The following BBS4 variants were observed in gnomAD, a reference collection of about 807,000 sequenced individuals.
The protein encoded by BBS4 is BBSome complex member BBS4.
Under a neutral mutation model 71.4 loss-of-function variants are expected in BBS4, and 58 were observed. That is an observed-to-expected ratio of 0.81 (90% CI 0.66 to 1.01). The LOEUF (loss-of-function observed/expected upper bound fraction) is 1.01, where lower values mean the gene tolerates loss of function less well. Ranked by LOEUF, BBS4 falls within the 50% of genes least tolerant of loss-of-function variation. The pLI is 0.00. For missense variants in BBS4, 660 were observed against 607.9 expected (o/e 1.09, Z -0.90); for synonymous variants, 228 against 216.8 (o/e 1.05, Z -0.46).
In BBS4 at chr15:72,735,889, G is replaced by A. The variant is rs370963556; in HGVS notation, c.1171G>A (p.Ala391Thr). 31 of 1,613,920 alleles carry A rather than the reference G, an allele frequency of 1.9e-5. No individual in the cohort carries two copies. The highest frequency in any genetic ancestry group is 1.8e-4 in the East Asian group (8 of 44,892). Reference protein sequence around the residue: ...LLYNQGEKKNALAQYQEMEKK... With the variant: ...LLYNQGEKKNTLAQYQEMEKK... ...GTACAACCAGGGCGAGAAGAAGAACGCCCTGGCCCAATATCAGGAGATGGA... is the reference window on the plus strand; with the variant it reads ...GTACAACCAGGGCGAGAAGAAGAACACCCTGGCCCAATATCAGGAGATGGA... Residue 391 changes from alanine (A) to threonine (T), a missense_variant, in exon 14 of 16, where the codon GCC (alanine) becomes ACC (threonine). Coordinates refer to ENST00000268057, the MANE Select transcript of BBS4 (RefSeq NM_033028.5).
chr15:72,725,053 T>TAGAG (rs758482322), intron 8 of BBS4, among the ~76,000 whole-genome samples: 5,284 of 102,312 alleles, frequency 0.052, 110 homozygotes, highest in Non-Finnish European at 0.071. Flanking sequence ...TATATATATA[T>TAGAG]ATATAGAGAG....
rs750560336 is a variant in BBS4, at chr15:72,731,396, A to G, written c.803A>G (p.Glu268Gly). The G allele has an allele frequency of 1.9e-6, 3 of 1,614,160 alleles. No homozygotes were observed. Among genetic ancestry groups the G allele is most frequent in the Non-Finnish European group, 2.5e-6 (3 of 1,180,024 alleles). The change falls in exon 11 of 16, where the codon GAA (glutamate) becomes GGA (glycine). Residue 268 changes from glutamate (E) to glycine (G), a missense_variant. Glu to Gly is a moderately conservative substitution (Grantham distance 98). Coordinates refer to ENST00000268057, the MANE Select transcript of BBS4 (RefSeq NM_033028.5). ...KYRVVACAVP[E>G]SPPLWNNIGM... ...AGAGTTGTGGCTTGTGCTGTTCCAG[A>G]AAGTCCTCCACTCTGGAATAACATT...
At chr15:72,720,185 A>G (rs1168327145) in intron 6 of BBS4, among the ~76,000 whole-genome samples, 1 of 151,942 alleles carries the variant, frequency 6.6e-6, no homozygotes, top group Non-Finnish European at 1.5e-5. Flanking sequence ...AAGTACCTGT[A>G]GAAAACCTTA....
chr15:72,699,732 C>A (rs900847939), intron 2 of BBS4, among the ~76,000 whole-genome samples: 1 of 152,162 alleles, frequency 6.6e-6, no homozygotes, highest in Non-Finnish European at 1.5e-5. Flanking sequence ...ACAAAGGGAG[C>A]CATACAGTAT....
chr15:72,702,783 G>A (rs1376398992), intron 2 of BBS4, among the ~76,000 whole-genome samples: 1 of 142,602 alleles, frequency 7.0e-6, no homozygotes, highest in East Asian at 2.1e-4. Flanking sequence ...TCTCTTTTTG[G>A]TATAGTGAGG....
Position 72,709,611 on chromosome 15 carries a change from A to G in BBS4, c.77-89A>G, listed in dbSNP as rs2065328991. 4 of 917,584 alleles carry G rather than the reference A, an allele frequency of 4.4e-6. No individual in the cohort carries two copies. In the East Asian group the frequency reaches 9.6e-5, roughly 22 times the overall value. The allele number at this position is 917,584 out of a possible 1,614,324, so 56.8% of individuals were successfully genotyped here. A position where few individuals can be genotyped will look rare whatever the true frequency, so the allele number is the denominator to read the frequency against. Reference sequence around the variant, plus strand: ...CAAAATTTTAATGTGATATTGCAGTATGTTTATGGTTAGTTTAGACATGAG... The same window carrying G: ...CAAAATTTTAATGTGATATTGCAGTGTGTTTATGGTTAGTTTAGACATGAG... On this transcript the variant is annotated intron_variant, in intron 2 of 15. Transcript: ENST00000268057.
intron 4 of BBS4, among the ~76,000 whole-genome samples, chr15:72,713,013 T>C (rs894000820): frequency 2.0e-5 from 3 of 151,460 alleles, no homozygotes; most frequent in African/African-American, 7.2e-5. Flanking sequence ...CTTTTTTCTT[T>C]TTCTTTCTTT....
At chr15:72,722,716 C>G (rs2065599490) in intron 6 of BBS4, 78 bp from the exon 7 acceptor site, 2 of 1,329,644 alleles carry the variant, frequency 1.5e-6, no homozygotes, top group African/African-American at 1.4e-5. Flanking sequence ...ATAACAATCT[C>G]TAGATGTCTG....
At chr15:72,727,789 T>G (rs1230933376) in intron 8 of BBS4, 151 bp from the exon 9 acceptor site, 2 of 681,744 alleles carry the variant, frequency 2.9e-6, no homozygotes, top group African/African-American at 3.5e-5. Context: ...CTACTTTTGA[T>G]GGCAATTCCC....
At chr15:72,715,168 G>C in intron 4 of BBS4, 123 bp from the exon 5 acceptor site, 2 of 720,878 alleles carry the variant, frequency 2.8e-6, no homozygotes, top group Non-Finnish European at 4.9e-6. Flanking sequence ...TAAGGATACA[G>C]TTGTCCAAAG....
intron 10 of BBS4, among the ~76,000 whole-genome samples, chr15:72,731,096 T>G (rs900145018): frequency 2.9e-5 from 3 of 105,094 alleles, no homozygotes; most frequent in Non-Finnish European, 5.8e-5. Flanking sequence ...TTTTTTTTTT[T>G]GTGCTGTGCC....
chr15:72,738,472 T>C lies in BBS4; in HGVS notation c.*885T>C, dbSNP rs753912948. 30 of 362,886 alleles carry C rather than the reference T, an allele frequency of 8.3e-5. No individual in the cohort carries two copies. The highest frequency in any genetic ancestry group is 1.5e-4 in the Non-Finnish European group (28 of 188,648). 22.5% of individuals were successfully genotyped at this position (362,886 alleles called of 1,614,324 possible). Reference sequence around the variant, plus strand: ...ATCATAATAAAAACCTAAAAGAACCTATGATCACGGTCTTCCCTTACCTGT... The same window carrying C: ...ATCATAATAAAAACCTAAAAGAACCCATGATCACGGTCTTCCCTTACCTGT... On this transcript the variant is annotated 3_prime_UTR_variant, in exon 16 of 16. Coordinates refer to ENST00000268057, the MANE Select transcript of BBS4 (RefSeq NM_033028.5).
chr15:72,728,016 T>C (rs760063593), intron 9 of BBS4, 22 bp downstream of exon 9: 2 of 1,567,540 alleles, frequency 1.3e-6, no homozygotes, highest in Non-Finnish European at 1.8e-6. Flanking sequence ...TCTGTACTCA[T>C]TCATGCACTG....
In BBS4 at chr15:72,726,454, TTG is replaced by T. The variant is rs922730807; in HGVS notation, c.588-1484_588-1483del. On this transcript the variant is annotated intron_variant, in intron 8 of 15. Coordinates refer to ENST00000268057, the MANE Select transcript of BBS4 (RefSeq NM_033028.5). ...AATGGGATAGCTGTAGCAAAATGCC[TTG>T]TCTCATTTGTTTGGTCCCTTAATAG... Among the ~76,000 whole-genome samples, 93 of 152,186 alleles carry T rather than the reference TTG, an allele frequency of 6.1e-4. 1 individual carries two copies. The highest frequency in any genetic ancestry group is 2.1e-3 in the African/African-American group (88 of 41,442).
At chr15:72,710,951 C>T (rs2065358634) in intron 3 of BBS4, among the ~76,000 whole-genome samples, 2 of 151,214 alleles carry the variant, frequency 1.3e-5, no homozygotes, top group African/African-American at 2.4e-5. Context: ...CCACCATGCC[C>T]AGCTAATTTT....
chr15:72,727,818 T>C, intron 8 of BBS4, 122 bp from the exon 9 acceptor site: 1 of 779,908 alleles, frequency 1.3e-6, no homozygotes, highest in Non-Finnish European at 2.2e-6. Flanking sequence ...TTCAGGTATT[T>C]CCACGGGGAG....
At chr15:72,689,888 G>A (rs757269491) in intron 1 of BBS4, among the ~76,000 whole-genome samples, 45 of 152,102 alleles carry the variant, frequency 3.0e-4, no homozygotes, top group Admixed American at 5.2e-4. Flanking sequence ...TCGGCTCACT[G>A]CAACCTCCGC....
chr15:72,696,600 CATT>C (rs1437803273), intron 2 of BBS4, among the ~76,000 whole-genome samples: 2 of 152,056 alleles, frequency 1.3e-5, no homozygotes, highest in Non-Finnish European at 2.9e-5. Flanking sequence ...TGGAATCATA[CATT>C]ATTATTATTT....
chr15:72,687,087 T>G, intron 1 of BBS4, among the ~76,000 whole-genome samples: 1 of 143,468 alleles, frequency 7.0e-6, no homozygotes, highest in Non-Finnish European at 1.5e-5. Flanking sequence ...AGTAGTCATA[T>G]TATTCTAGTC....
Sources: allele counts gnomAD v4.1 joint callset (sites outside exome capture counted in the v4.1 genomes callset), GRCh38; gene constraint gnomAD v4.1.1; transcripts MANE v1.5; gene names NCBI Gene and HGNC (gene_info 2026-07-23, HGNC 2026-07-21).